Variants in KCNAB1 observed in about 807,000 individuals in gnomAD.
The protein encoded by KCNAB1 is voltage-gated potassium channel subunit beta-1.
In KCNAB1, 35 loss-of-function variants were observed where a neutral mutation model predicts 64.6. That is an observed-to-expected ratio of 0.54 (90% CI 0.41 to 0.72). KCNAB1 has a LOEUF of 0.72. Among genes scored for constraint, KCNAB1 ranks in the 30% least tolerant of loss-of-function variants. The pLI is 0.00. For missense variants in KCNAB1, 401 were observed against 512.9 expected (o/e 0.78, Z 2.11); for synonymous variants, 177 against 183.8 (o/e 0.96, Z 0.30).
chr3:156,164,843 A>G (rs1344377228), intron 1 of KCNAB1, among the ~76,000 whole-genome samples: 1 of 152,204 alleles, frequency 6.6e-6, no homozygotes, highest in Non-Finnish European at 1.5e-5. Flanking sequence ...AGCAAAAGGG[A>G]AAATAAATTT....
intron 1 of KCNAB1, among the ~76,000 whole-genome samples, chr3:156,205,225 A>G (rs1331282034): frequency 6.6e-6 from 1 of 152,332 alleles, no homozygotes; most frequent in South Asian, 2.1e-4. Context: ...TATTGGTTCT[A>G]TATCTGTGTC....
chr3:156,335,274 TTCC>T (rs1723609948), intron 1 of KCNAB1, among the ~76,000 whole-genome samples: 1 of 152,244 alleles, frequency 6.6e-6, no homozygotes, highest in Non-Finnish European at 1.5e-5. Context: ...CTACTCCAGC[TTCC>T]TCCTCCTGTG....
chr3:156,242,027 C>T (rs1339005683), intron 1 of KCNAB1, among the ~76,000 whole-genome samples: 1 of 152,132 alleles, frequency 6.6e-6, no homozygotes, highest in African/African-American at 2.4e-5. Flanking sequence ...TCCTATTTGG[C>T]CTGTTGTTGT....
At chr3:156,496,972 C>T (rs950542144) in intron 8 of KCNAB1, among the ~76,000 whole-genome samples, 1 of 152,122 alleles carries the variant, frequency 6.6e-6, no homozygotes, top group African/African-American at 2.4e-5. Flanking sequence ...AGTTGCCCAG[C>T]CACTACTGGG....
At position 156,270,680 on chromosome 3, in the gene KCNAB1, A is replaced by C. The variant is rs1456840228; in HGVS notation, c.275+149794A>C. ...AAAGTTCTCGTAGTTATTATTTTTA[A>C]CCATTTCATCTTTTCATCTTTCTAC... On this transcript the variant is annotated intron_variant, in intron 1 of 13. Coordinates refer to ENST00000490337, the MANE Select transcript of KCNAB1 (RefSeq NM_172160.3). Among the ~76,000 whole-genome samples the C allele has an allele frequency of 2.6e-5, 4 of 152,120 alleles. No individual in the cohort carries two copies. In the East Asian group the frequency reaches 5.8e-4, roughly 22 times the overall value.
intron 1 of KCNAB1, among the ~76,000 whole-genome samples, chr3:156,155,425 T>C (rs907658873): frequency 6.6e-6 from 1 of 152,188 alleles, no homozygotes; most frequent in Non-Finnish European, 1.5e-5. Flanking sequence ...ATAAATTCTC[T>C]GGAGAAACAC....
chr3:156,213,701 A>G (rs1715152762), intron 1 of KCNAB1, among the ~76,000 whole-genome samples: 1 of 152,190 alleles, frequency 6.6e-6, no homozygotes, highest in Admixed American at 6.5e-5. Flanking sequence ...GACTCTGGTC[A>G]TATGTAATAA....
chr3:156,496,779 T>C (rs1716042073), intron 8 of KCNAB1, among the ~76,000 whole-genome samples: 1 of 152,044 alleles, frequency 6.6e-6, no homozygotes, highest in South Asian at 2.1e-4. Context: ...GCCAACATTG[T>C]ATGGGGAATG....
chr3:156,514,224 T>C, intron 8 of KCNAB1, 140 bp from the exon 9 acceptor site: 1 of 626,976 alleles, frequency 1.6e-6, no homozygotes, highest in Non-Finnish European at 2.9e-6. Context: ...GACTATAATG[T>C]TGTCACCAAT....
intron 11 of KCNAB1, among the ~76,000 whole-genome samples, chr3:156,517,228 T>C (rs1261229795): frequency 6.6e-6 from 1 of 152,226 alleles, no homozygotes; most frequent in Non-Finnish European, 1.5e-5. Flanking sequence ...TCAAGTCAAG[T>C]CTGAACCACC....
At chr3:156,118,348 G>T (rs1330322180), upstream of KCNAB1, 1 of 455,192 alleles carries the variant, frequency 2.2e-6, no homozygotes, top group Non-Finnish European at 4.4e-6. Flanking sequence ...AGGTAATCAG[G>T]TTCCTTACAG....
intron 1 of KCNAB1, among the ~76,000 whole-genome samples, chr3:156,339,759 T>G (rs1723976605): frequency 6.6e-6 from 1 of 152,216 alleles, no homozygotes; most frequent in South Asian, 2.1e-4. Flanking sequence ...GTGACCTGCA[T>G]GACCCATTGG....
chr3:156,347,453 G>A (rs1037002181), intron 1 of KCNAB1, among the ~76,000 whole-genome samples: 1 of 152,198 alleles, frequency 6.6e-6, no homozygotes, highest in Non-Finnish European at 1.5e-5. Flanking sequence ...TTTCTCTCAT[G>A]GTTTTGCCAT....
intron 1 of KCNAB1, among the ~76,000 whole-genome samples, chr3:156,310,610 T>C (rs1015020792): frequency 6.6e-6 from 1 of 152,172 alleles, no homozygotes; most frequent in African/African-American, 2.4e-5. Flanking sequence ...GAGACCATCC[T>C]GGCTAACACA....
At chr3:156,235,140 A>G (rs1387277391) in intron 1 of KCNAB1, among the ~76,000 whole-genome samples, 1 of 152,194 alleles carries the variant, frequency 6.6e-6, no homozygotes, top group African/African-American at 2.4e-5. Flanking sequence ...TTGCTGGTAG[A>G]AAGGACAACT....
intron 8 of KCNAB1, among the ~76,000 whole-genome samples, chr3:156,493,823 TA>T (rs1715812336): frequency 6.6e-6 from 1 of 152,154 alleles, no homozygotes; most frequent in African/African-American, 2.4e-5. Context: ...AAATTCAGAT[TA>T]AGCACTTTTG....
At chr3:156,292,833 G>A (rs1386044508) in intron 1 of KCNAB1, among the ~76,000 whole-genome samples, 1 of 152,164 alleles carries the variant, frequency 6.6e-6, no homozygotes, top group Non-Finnish European at 1.5e-5. Flanking sequence ...GTAAACCACC[G>A]CGCCTGGCCT....
At chr3:156,303,842 C>T (rs1353304147) in intron 1 of KCNAB1, among the ~76,000 whole-genome samples, 1 of 152,140 alleles carries the variant, frequency 6.6e-6, no homozygotes, top group Admixed American at 6.5e-5. Flanking sequence ...AGACATTTTG[C>T]TTGGGCCTAA....
At chr3:156,314,561 G>T (rs974849697) in intron 1 of KCNAB1, among the ~76,000 whole-genome samples, 1 of 152,234 alleles carries the variant, frequency 6.6e-6, no homozygotes, top group African/African-American at 2.4e-5. Context: ...GATTGCCGAG[G>T]ATGAGGAAGC....
Sources: gnomAD v4.1 joint callset for allele counts (sites outside exome capture counted in the v4.1 genomes callset) on GRCh38, gnomAD v4.1.1 for gene constraint, MANE v1.5 for transcripts, NCBI Gene and HGNC (gene_info 2026-07-23, HGNC 2026-07-21) for gene names.